LRTM1: variants seen among roughly 807,000 people sequenced by gnomAD.
LRTM1 encodes the protein leucine rich repeat transmembrane protein 1.
LRTM1 carries 38 observed loss-of-function variants against 32.4 expected under a neutral mutation model. The ratio of observed to expected loss-of-function variants is 1.17; its 90% CI spans 0.91 to 1.54. The LOEUF (loss-of-function observed/expected upper bound fraction) is 1.54. Ranked by LOEUF, LRTM1 falls within the 40% of genes most tolerant of loss-of-function variation. The pLI, the probability that LRTM1 is intolerant of heterozygous loss-of-function variation, is 0.00. For missense variants in LRTM1, 466 were observed against 415.4 expected (o/e 1.12, Z -1.06); for synonymous variants, 186 against 169.9 (o/e 1.09, Z -0.74).
chr3:54,958,479 G>T (rs572471847), intron 1 of LRTM1, among the ~76,000 whole-genome samples: 1 of 152,224 alleles, frequency 6.6e-6, no homozygotes, highest in African/African-American at 2.4e-5. Context: ...TCTTAGAAGT[G>T]TCTCAGAAAG....
At chr3:54,957,351 G>T (rs1364643660) in intron 1 of LRTM1, among the ~76,000 whole-genome samples, 4 of 151,914 alleles carry the variant, frequency 2.6e-5, no homozygotes, top group African/African-American at 9.7e-5. Flanking sequence ...GTCTCACTCT[G>T]TTGCTCAGGC....
chr3:54,930,597 A>G (rs572429151), upstream of LRTM1, among the ~76,000 whole-genome samples: 4 of 152,242 alleles, frequency 2.6e-5, no homozygotes, highest in Non-Finnish European at 5.9e-5. Flanking sequence ...AAGGCAGTCA[A>G]GGACACTTCT....
At chr3:54,941,557 C>T (rs1293833662) in intron 1 of LRTM1, among the ~76,000 whole-genome samples, 1 of 152,168 alleles carries the variant, frequency 6.6e-6, no homozygotes, top group African/African-American at 2.4e-5. Context: ...ATCTTAACGA[C>T]ATTTGGGTTT....
At chr3:54,924,591 TG>T (rs1575379045) in intron 2 of LRTM1, 27 bp downstream of exon 2, 3 of 1,541,232 alleles carry the variant, frequency 1.9e-6, no homozygotes, top group Non-Finnish European at 1.8e-6. Flanking sequence ...AACACACAGA[TG>T]GGGGGTTCCA....
intron 1 of LRTM1, among the ~76,000 whole-genome samples, chr3:54,956,592 G>A (rs1357363523): frequency 6.6e-6 from 1 of 152,020 alleles, no homozygotes; most frequent in Non-Finnish European, 1.5e-5. Flanking sequence ...CTGGTCTTAG[G>A]CTGTCATAAA....
chr3:54,961,269 A>G (rs1702024069), intron 1 of LRTM1, among the ~76,000 whole-genome samples: 1 of 152,226 alleles, frequency 6.6e-6, no homozygotes, highest in Non-Finnish European at 1.5e-5. Flanking sequence ...TAACCAAGCC[A>G]TGTAAAAATA....
chr3:54,931,996 C>T (rs1290210307), upstream of LRTM1, among the ~76,000 whole-genome samples: 1 of 152,010 alleles, frequency 6.6e-6, no homozygotes, highest in African/African-American at 2.4e-5. Flanking sequence ...ACCCAGGCAA[C>T]ATGGTTAAAC....
chr3:54,922,290 A>G (rs1311119754), intron 2 of LRTM1, among the ~76,000 whole-genome samples: 2 of 150,406 alleles, frequency 1.3e-5, no homozygotes, highest in Non-Finnish European at 3.0e-5. Flanking sequence ...ATCCCATCCC[A>G]GGTTGCTTCC....
At chr3:54,931,160 T>C (rs1430556955), upstream of LRTM1, among the ~76,000 whole-genome samples, 1 of 151,936 alleles carries the variant, frequency 6.6e-6, no homozygotes, top group African/African-American at 2.4e-5. Flanking sequence ...CTTCAAAGAG[T>C]CTGAGCTGGC....
chr3:54,943,502 C>T (rs115977778), intron 1 of LRTM1, among the ~76,000 whole-genome samples: 67 of 152,190 alleles, frequency 4.4e-4, no homozygotes, highest in African/African-American at 1.5e-3. Flanking sequence ...AATTAGTCAG[C>T]GAATATATTA....
At chr3:54,919,782 T>C (rs1231044823) in intron 2 of LRTM1, among the ~76,000 whole-genome samples, 10 of 152,240 alleles carry the variant, frequency 6.6e-5, no homozygotes, top group Non-Finnish European at 1.5e-4. Context: ...AAAGCACTGT[T>C]AGATAAGTCC....
At chr3:54,934,827 G>C (rs1701289321) in intron 1 of LRTM1, among the ~76,000 whole-genome samples, 1 of 152,100 alleles carries the variant, frequency 6.6e-6, no homozygotes, top group Admixed American at 6.6e-5. Flanking sequence ...CATCTCCAAG[G>C]TTCAAGTGAT....
In LRTM1 at chr3:54,919,629, T is replaced by C. The variant is rs1176461216; in HGVS notation, c.605-737A>G. Among the ~76,000 whole-genome samples, 3 of 152,216 alleles carry C rather than the reference T, an allele frequency of 2.0e-5. No homozygotes were observed. In the East Asian group the frequency reaches 5.8e-4, roughly 29 times the overall value. On this transcript the variant is annotated intron_variant, in intron 2 of 2. Transcript: ENST00000273286. ...GGAATTTGGGTGGTCGGTCATTCTTTCCTAGAGAGAGCCCTGAGCTAGCAG... is the reference window on the plus strand; with the variant it reads ...GGAATTTGGGTGGTCGGTCATTCTTCCCTAGAGAGAGCCCTGAGCTAGCAG...
At chr3:54,957,616 G>A (rs184307859) in intron 1 of LRTM1, among the ~76,000 whole-genome samples, 26 of 152,250 alleles carry the variant, frequency 1.7e-4, no homozygotes, top group Admixed American at 3.3e-4. Flanking sequence ...AGGGAGGGCC[G>A]GTGGGGAAGT....
In LRTM1 at chr3:54,924,996, A is replaced by T. The variant is rs768196636; in HGVS notation, c.227T>A (p.Leu76His). ...ATTGTTGGACAAGTTTAAGGTCATG[A>T]GCCATGGCACTGACCTAAATGCAAA... ...PAFAFRSVPWLMTLNLSNNSL... is the reference protein window; with the variant it reads ...PAFAFRSVPWHMTLNLSNNSL... The change falls in exon 2 of 3, where the codon CTC becomes CAC. Residue 76 changes from leucine (L) to histidine (H), a missense_variant. Coordinates refer to ENST00000273286, the MANE Select transcript of LRTM1 (RefSeq NM_020678.4). The T allele has an allele frequency of 1.9e-6, 3 of 1,613,886 alleles. No homozygotes were observed. The Admixed American group carries it at 5.0e-5, about 27-fold the overall frequency.
intron 2 of LRTM1, among the ~76,000 whole-genome samples, chr3:54,922,933 C>T (rs938089229): frequency 1.3e-5 from 2 of 152,128 alleles, no homozygotes; most frequent in African/African-American, 4.8e-5. Flanking sequence ...TTCTCTTAGT[C>T]ATCCACTCCA....
chr3:54,966,696 G>A (rs995218978), intron 1 of LRTM1, among the ~76,000 whole-genome samples: 1 of 152,140 alleles, frequency 6.6e-6, no homozygotes, highest in Non-Finnish European at 1.5e-5. Flanking sequence ...GTGCACACCT[G>A]TAATCCCAGC....
chr3:54,920,324 G>C (rs916389642), intron 2 of LRTM1, among the ~76,000 whole-genome samples: 2 of 152,134 alleles, frequency 1.3e-5, no homozygotes, highest in African/African-American at 4.8e-5. Context: ...AGGATTATCA[G>C]GTGGCCCCAA....
upstream of LRTM1, among the ~76,000 whole-genome samples, chr3:54,930,833 C>T (rs1427854872): frequency 1.3e-5 from 2 of 152,122 alleles, no homozygotes; most frequent in African/African-American, 2.4e-5. Context: ...TGGTGGCTCA[C>T]GCCTGTAATC....
Sources: gnomAD v4.1 joint callset for allele counts (sites outside exome capture counted in the v4.1 genomes callset) on GRCh38, gnomAD v4.1.1 for gene constraint, MANE v1.5 for transcripts, NCBI Gene and HGNC (gene_info 2026-07-23, HGNC 2026-07-21) for gene names.